The following FAF1 variants were observed in gnomAD, a reference collection of about 807,000 sequenced individuals.
FAF1 encodes Fas associated factor 1, also known as FAS-associated factor 1.
Under a neutral mutation model 92.5 loss-of-function variants are expected in FAF1, and 25 were observed. The observed-to-expected ratio is 0.27, with a 90% CI of 0.20 to 0.38. The LOEUF (loss-of-function observed/expected upper bound fraction) is 0.38, where lower values mean the gene tolerates loss of function less well. FAF1 is among the 10% of genes least tolerant of loss of function. The pLI is 1.00. For synonymous variants in FAF1, 234 were observed against 273.2 expected (o/e 0.86, Z 1.42); for missense variants, 636 against 793.3 (o/e 0.80, Z 2.38).
intron 8 of FAF1, among the ~76,000 whole-genome samples, chr1:50,622,970 T>C (rs1359208053): frequency 6.6e-6 from 1 of 152,150 alleles, no homozygotes; most frequent in Non-Finnish European, 1.5e-5. Flanking sequence ...CTCATTATCT[T>C]GCACTTGGTG....
At chr1:50,692,371 C>T (rs1395485613) in intron 7 of FAF1, among the ~76,000 whole-genome samples, 6 of 150,338 alleles carry the variant, frequency 4.0e-5, no homozygotes, top group Admixed American at 3.3e-4. Context: ...CCCTGCTGTA[C>T]GAAAGACCAT....
intron 5 of FAF1, among the ~76,000 whole-genome samples, chr1:50,742,260 G>C (rs1378340332): frequency 6.6e-6 from 1 of 152,038 alleles, no homozygotes. Flanking sequence ...GCAGCAATGA[G>C]CCATGATTGT....
intron 4 of FAF1, among the ~76,000 whole-genome samples, chr1:50,766,639 C>T (rs967455566): frequency 2.6e-5 from 4 of 152,016 alleles, no homozygotes; most frequent in African/African-American, 9.7e-5. Flanking sequence ...GCTGGGGATC[C>T]AGCACAGGGC....
chr1:50,496,409 G>C (rs564151082), intron 15 of FAF1, among the ~76,000 whole-genome samples: 4 of 152,268 alleles, frequency 2.6e-5, no homozygotes, highest in African/African-American at 9.6e-5. Flanking sequence ...TACTAAGCAT[G>C]TCAGAAAGAA....
At chr1:50,919,574 G>A (rs866068647) in intron 1 of FAF1, among the ~76,000 whole-genome samples, 12 of 150,672 alleles carry the variant, frequency 8.0e-5, no homozygotes, top group African/African-American at 1.5e-4. Context: ...TGCAACCTCC[G>A]CCTCCCGGGT....
chr1:50,687,405 T>G (rs1172719733), intron 7 of FAF1, among the ~76,000 whole-genome samples: 1 of 146,606 alleles, frequency 6.8e-6, no homozygotes, highest in African/African-American at 2.5e-5. Context: ...AGGATTTGCA[T>G]AGACATTCCT....
chr1:50,709,658 A>G (rs1474003993), intron 6 of FAF1, among the ~76,000 whole-genome samples: 1 of 152,162 alleles, frequency 6.6e-6, no homozygotes, highest in Admixed American at 6.5e-5. Context: ...ATTTGATTCT[A>G]TGTTCTTCAA....
chr1:50,905,935 AGT>A, intron 1 of FAF1, among the ~76,000 whole-genome samples: 1 of 152,112 alleles, frequency 6.6e-6, no homozygotes. Context: ...TTGGTGTTTT[AGT>A]CATGAAGTCC....
At chr1:50,952,890 G>A (rs946232571) in intron 1 of FAF1, among the ~76,000 whole-genome samples, 1 of 152,196 alleles carries the variant, frequency 6.6e-6, no homozygotes, top group African/African-American at 2.4e-5. Context: ...CCGTCTGGGA[G>A]GTATACCCAA....
intron 7 of FAF1, among the ~76,000 whole-genome samples, chr1:50,656,984 A>C (rs115110771): frequency 0.013 from 1,983 of 152,190 alleles, 43 homozygotes; most frequent in African/African-American, 0.044. Flanking sequence ...GTCAAGGTAC[A>C]AGGATCACTT....
At chr1:50,570,783 G>A (rs897287095) in intron 12 of FAF1, among the ~76,000 whole-genome samples, 4 of 152,130 alleles carry the variant, frequency 2.6e-5, no homozygotes, top group African/African-American at 9.7e-5. Context: ...ATATAAATCT[G>A]ATTAAATTAC....
chr1:50,540,375 T>A (rs1027962695), intron 13 of FAF1, among the ~76,000 whole-genome samples: 7 of 152,186 alleles, frequency 4.6e-5, no homozygotes, highest in African/African-American at 1.7e-4. Flanking sequence ...TAATATAGTG[T>A]TGTGCAAAGA....
At chr1:50,681,674 A>ATTTT (rs1211289812) in intron 7 of FAF1, among the ~76,000 whole-genome samples, 22 of 131,962 alleles carry the variant, frequency 1.7e-4, no homozygotes, top group African/African-American at 5.8e-4. Flanking sequence ...TGTAATCCCT[A>ATTTT]TTTTTTTTTT....
chr1:50,630,684 C>G (rs553262676), intron 8 of FAF1, among the ~76,000 whole-genome samples: 1 of 152,172 alleles, frequency 6.6e-6, no homozygotes, highest in African/African-American at 2.4e-5. Context: ...GGGAAAGTCC[C>G]TTTAAATGGA....
chr1:50,621,325 T>G (rs1454257271), intron 8 of FAF1, among the ~76,000 whole-genome samples: 1 of 150,764 alleles, frequency 6.6e-6, no homozygotes, highest in South Asian at 2.1e-4. Flanking sequence ...CAGGAGCCAG[T>G]GAGCAGGAGG....
chr1:50,623,433 GC>G (rs1293711303), intron 8 of FAF1, among the ~76,000 whole-genome samples: 2 of 151,826 alleles, frequency 1.3e-5, no homozygotes, highest in African/African-American at 4.8e-5. Context: ...GCTGGGTGTG[GC>G]GGCGTGCACC....
chr1:50,726,796 TC>T (rs1226795241), intron 6 of FAF1, among the ~76,000 whole-genome samples: 1 of 152,038 alleles, frequency 6.6e-6, no homozygotes, highest in African/African-American at 2.4e-5. Context: ...GCCACTGCAC[TC>T]CAACCTGGGT....
At chr1:50,694,925 G>C (rs1033973632) in intron 7 of FAF1, among the ~76,000 whole-genome samples, 8 of 151,868 alleles carry the variant, frequency 5.3e-5, no homozygotes, top group African/African-American at 1.9e-4. Context: ...CAGTGCCACT[G>C]GACTCCACCT....
At chr1:50,548,482 A>C (rs1001006535) in intron 13 of FAF1, among the ~76,000 whole-genome samples, 27 of 152,194 alleles carry the variant, frequency 1.8e-4, no homozygotes, top group African/African-American at 6.3e-4. Context: ...CTTTATCTTC[A>C]CTATGACAAT....
Sources: gnomAD v4.1 joint callset for allele counts (sites outside exome capture counted in the v4.1 genomes callset) on GRCh38, gnomAD v4.1.1 for gene constraint, MANE v1.5 for transcripts, NCBI Gene and HGNC (gene_info 2026-07-23, HGNC 2026-07-21) for gene names.